Variants in OSMR observed in about 807,000 individuals in gnomAD.
The protein encoded by OSMR is oncostatin M receptor, also known as oncostatin-M-specific receptor subunit beta.
A neutral mutation model predicts 99.9 loss-of-function variants in OSMR; 81 were observed. That is an observed-to-expected ratio of 0.81 (90% confidence interval 0.68 to 0.97). The LOEUF is 0.97. Ranked by LOEUF, OSMR falls within the 50% of genes least tolerant of loss-of-function variation. The pLI is 0.00. For missense variants in OSMR, 1,099 were observed against 1,153.4 expected (o/e 0.95, Z 0.68); for synonymous variants, 406 against 410.4 (o/e 0.99, Z 0.13).
At position 38,934,554 on chromosome 5, in the gene OSMR, CTTTT is replaced by C. The variant is rs1746929356; in HGVS notation, c.*1111_*1114del. Reference sequence around the variant, plus strand: ...ACTGGTATTTTAGTACATGTTGGTTCTTTTGGTGCAATCTCAGCTCACTGCAGCT... The same window carrying C: ...ACTGGTATTTTAGTACATGTTGGTTCGGTGCAATCTCAGCTCACTGCAGCT... On this transcript the variant is annotated 3_prime_UTR_variant, in exon 18 of 18. Coordinates refer to ENST00000274276, the MANE Select transcript of OSMR (RefSeq NM_003999.3). 6.6e-6 allele frequency: 1 copy of C among 152,104 alleles called. No homozygotes were observed. Among genetic ancestry groups the C allele is most frequent in the South Asian group, 2.1e-4 (1 of 4,826 alleles). 9.4% of individuals were successfully genotyped at this position (152,104 alleles called of 1,614,324 possible).
rs1360831853 is a variant in OSMR at position 38,915,736 on chromosome 5, TA to T, written c.1286-1805del. 2.6e-5 allele frequency among the ~76,000 whole-genome samples: 4 copies of T among 152,200 alleles called. No homozygotes were observed. In the East Asian group the frequency reaches 7.7e-4, roughly 29 times the overall value. On this transcript the variant is annotated intron_variant, in intron 9 of 17. Coordinates refer to ENST00000274276, the MANE Select transcript of OSMR (RefSeq NM_003999.3). Reference sequence around the variant, plus strand: ...TAAAGGGAAGTTTCAAAGTAAACATTAAAAATAGAAGTCATATGAGACATGC... The same window carrying T: ...TAAAGGGAAGTTTCAAAGTAAACATTAAAATAGAAGTCATATGAGACATGC...
rs1215445307 is a variant in OSMR, at chr5:38,925,387, T to C, written c.2212+16T>C. On this transcript the variant is annotated intron_variant, in intron 15 of 17. Transcript: ENST00000274276. The stretch of plus-strand genomic sequence containing the variant: ...GATGAACACTGTGAGTTTTCCCAAA[T>C]CAAAGTTCTTCCCTTAGGAGTTTCT... The C allele has an allele frequency of 6.2e-7, 1 of 1,606,266 alleles. No individual in the cohort carries two copies. The highest frequency in any genetic ancestry group is 2.2e-5 in the East Asian group (1 of 44,840).
chr5:38,887,475 C>T (rs1743858829), intron 7 of OSMR, among the ~76,000 whole-genome samples: 1 of 152,076 alleles, frequency 6.6e-6, no homozygotes, highest in African/African-American at 2.4e-5. Context: ...CTCTTCCCTC[C>T]CTATGATCTG....
At chr5:38,875,142 G>A (rs376882259) in intron 2 of OSMR, among the ~76,000 whole-genome samples, 1 of 152,140 alleles carries the variant, frequency 6.6e-6, no homozygotes, top group African/African-American at 2.4e-5. Context: ...TATCTCTTAC[G>A]CCATGAGTCA....
chr5:38,918,527 A>G (rs1746053615), intron 10 of OSMR, among the ~76,000 whole-genome samples: 1 of 151,690 alleles, frequency 6.6e-6, no homozygotes, highest in Admixed American at 6.6e-5. Context: ...GCCCTTGACT[A>G]CCCCTCACAT....
intron 7 of OSMR, among the ~76,000 whole-genome samples, chr5:38,896,335 G>A (rs1262900512): frequency 6.6e-6 from 1 of 151,852 alleles, no homozygotes; most frequent in Non-Finnish European, 1.5e-5. Flanking sequence ...TCAATGTTTT[G>A]TAGTTTTCAT....
chr5:38,901,561 C>T (rs1297572287), intron 7 of OSMR, among the ~76,000 whole-genome samples: 1 of 152,124 alleles, frequency 6.6e-6, no homozygotes, highest in African/African-American at 2.4e-5. Flanking sequence ...GAGACTAGTG[C>T]CTAGTAGCAA....
Position 38,943,157 on chromosome 5 carries a change from GGTT to G in OSMR, c.75-1043_75-1041del, listed in dbSNP as rs542303305. ...CACACACTTAGACATTCTGAGTTTG[GGTT>G]TTTTTTTAAAAAAAATGATTATCAA... On this transcript the variant is annotated intron_variant and NMD_transcript_variant, in intron 1 of 2. Coordinates refer to the OSMR transcript ENST00000508882. 0.012 allele frequency: 3,651 copies of G among 306,008 alleles called. 122 individuals carry two copies. The African/African-American group carries it at 0.13, about 11-fold the overall frequency. The allele number at this position is 306,008 out of a possible 1,614,324, so 19.0% of individuals were successfully genotyped here.
chr5:38,910,793 G>A (rs1014330464), intron 9 of OSMR, among the ~76,000 whole-genome samples: 3 of 152,138 alleles, frequency 2.0e-5, no homozygotes, highest in South Asian at 4.1e-4. Context: ...GGCAGATCAC[G>A]AGGTCAGGAG....
chr5:38,928,285 G>A (rs558489633), intron 15 of OSMR, among the ~76,000 whole-genome samples: 12 of 152,088 alleles, frequency 7.9e-5, no homozygotes, highest in South Asian at 4.2e-4. Context: ...CCACATTTTC[G>A]GGTATCCTTA....
chr5:38,944,930 C>T (rs1748008352), intron 2 of OSMR: 2 of 1,613,840 alleles, frequency 1.2e-6, no homozygotes, highest in African/African-American at 2.7e-5. Context: ...CAATTCTGTG[C>T]TTTTGGTGCT....
chr5:38,923,935 G>A (rs1190998965), intron 13 of OSMR, among the ~76,000 whole-genome samples: 1 of 152,154 alleles, frequency 6.6e-6, no homozygotes, highest in Non-Finnish European at 1.5e-5. Context: ...TTGTTTTTCA[G>A]TGACACTTGG....
chr5:38,904,323 T>C, intron 8 of OSMR, 30 bp from the exon 9 acceptor site: 2 of 1,606,822 alleles, frequency 1.2e-6, no homozygotes, highest in Non-Finnish European at 1.7e-6. Context: ...TTTTCTCTTT[T>C]TTCTTTTCTT....
intron 1 of OSMR, among the ~76,000 whole-genome samples, chr5:38,943,878 A>G (rs1413880159): frequency 6.6e-6 from 1 of 152,164 alleles, no homozygotes; most frequent in Non-Finnish European, 1.5e-5. Context: ...ATTTCTTTTA[A>G]GAACCACTGC....
rs1311444645 is a variant in OSMR at position 38,894,262 on chromosome 5, C to T, written c.991+8072C>T. Among the ~76,000 whole-genome samples the T allele has an allele frequency of 4.6e-5, 7 of 152,020 alleles. No homozygotes were observed. The South Asian group carries it at 8.3e-4, about 18-fold the overall frequency. On this transcript the variant is annotated intron_variant, in intron 7 of 17. Coordinates refer to ENST00000274276, the MANE Select transcript of OSMR (RefSeq NM_003999.3). The stretch of plus-strand genomic sequence containing the variant: ...TAGCCCATAGACCCTATAAAGGAAC[C>T]GCAGAATAGAAACTACAACCAGCTA...
intron 7 of OSMR, among the ~76,000 whole-genome samples, chr5:38,895,276 C>T (rs1453374199): frequency 6.6e-6 from 1 of 151,868 alleles, no homozygotes; most frequent in South Asian, 2.1e-4. Flanking sequence ...ATTGAGACCC[C>T]AAAACCCATA....
chr5:38,921,503 G>T (rs1401550736), intron 11 of OSMR, 112 bp from the exon 12 acceptor site: 1 of 1,554,084 alleles, frequency 6.4e-7, no homozygotes, highest in African/African-American at 1.4e-5. Context: ...TGAAGTGGAG[G>T]TCTGTTACCT....
At chr5:38,890,654 G>A (rs1427949238) in intron 7 of OSMR, among the ~76,000 whole-genome samples, 2 of 148,498 alleles carry the variant, frequency 1.3e-5, no homozygotes, top group Non-Finnish European at 3.0e-5. Context: ...AAAAACTTCT[G>A]ATTGACTTTT....
chr5:38,926,662 T>C (rs1746490044), intron 15 of OSMR, among the ~76,000 whole-genome samples: 1 of 152,142 alleles, frequency 6.6e-6, no homozygotes, highest in Non-Finnish European at 1.5e-5. Flanking sequence ...ATGGGGAATA[T>C]AGGAGCTGAA....
Sources: gnomAD v4.1 joint callset for allele counts (sites outside exome capture counted in the v4.1 genomes callset) on GRCh38, gnomAD v4.1.1 for gene constraint, MANE v1.5 for transcripts, NCBI Gene and HGNC (gene_info 2026-07-23, HGNC 2026-07-21) for gene names.